Variants in GRID1 observed in about 807,000 individuals in gnomAD.
GRID1 encodes the protein glutamate receptor ionotropic, delta-1.
In GRID1, 28 loss-of-function variants were observed where a neutral mutation model predicts 98.0. The ratio of observed to expected loss-of-function variants is 0.29; its 90% CI spans 0.21 to 0.39. The LOEUF (loss-of-function observed/expected upper bound fraction) is 0.39, where lower values mean the gene tolerates loss of function less well. Among genes scored for constraint, GRID1 ranks in the 10% least tolerant of loss-of-function variants. The probability of loss-of-function intolerance (pLI) is 1.00; values close to 1 mark genes in which losing one functional copy is unlikely to be tolerated. For synonymous variants in GRID1, 553 were observed against 538.5 expected (o/e 1.03, Z -0.37); for missense variants, 1,111 against 1,340.5 (o/e 0.83, Z 2.67).
chr10:85,882,433 C>T (rs1333350843), intron 5 of GRID1, among the ~76,000 whole-genome samples: 1 of 152,174 alleles, frequency 6.6e-6, no homozygotes, highest in Non-Finnish European at 1.5e-5. Context: ...CCATGGAATA[C>T]TATGCAGCCA....
chr10:85,846,959 G>T (rs1843012225), intron 8 of GRID1, among the ~76,000 whole-genome samples: 1 of 152,210 alleles, frequency 6.6e-6, no homozygotes, highest in African/African-American at 2.4e-5. Flanking sequence ...CTCTGCCTAT[G>T]CAAGTACAAA....
At chr10:85,829,613 A>G (rs1842850078) in intron 8 of GRID1, among the ~76,000 whole-genome samples, 2 of 152,310 alleles carry the variant, frequency 1.3e-5, no homozygotes, top group Non-Finnish European at 2.9e-5. Flanking sequence ...TTTAGGATAC[A>G]AAATCAATAC....
At chr10:85,845,178 T>C (rs1008208237) in intron 8 of GRID1, among the ~76,000 whole-genome samples, 20 of 152,046 alleles carry the variant, frequency 1.3e-4, no homozygotes, top group Admixed American at 1.1e-3. Flanking sequence ...CATGATTGTG[T>C]ATACAGAAAA....
chr10:85,679,742 A>G (rs1394349370), intron 12 of GRID1, among the ~76,000 whole-genome samples: 1 of 152,240 alleles, frequency 6.6e-6, no homozygotes, highest in Non-Finnish European at 1.5e-5. Flanking sequence ...GAGAAGAAGC[A>G]ACAAGAAGCT....
intron 4 of GRID1, among the ~76,000 whole-genome samples, chr10:86,134,771 A>G (rs1441219400): frequency 6.6e-6 from 1 of 152,184 alleles, no homozygotes. Context: ...ACCCAGACCC[A>G]GAGTCACCTA....
At chr10:86,061,136 A>G (rs1040847580) in intron 4 of GRID1, among the ~76,000 whole-genome samples, 1 of 151,504 alleles carries the variant, frequency 6.6e-6, no homozygotes, top group African/African-American at 2.4e-5. Context: ...TTCACTTTCC[A>G]CTCACATCTG....
At chr10:86,143,676 C>G (rs972113670) in intron 3 of GRID1, among the ~76,000 whole-genome samples, 2 of 152,202 alleles carry the variant, frequency 1.3e-5, no homozygotes, top group African/African-American at 4.8e-5. Flanking sequence ...CCTTGTCAGG[C>G]CTCGCATCAA....
intron 3 of GRID1, among the ~76,000 whole-genome samples, chr10:86,193,322 G>A (rs756309511): frequency 1.3e-5 from 2 of 152,244 alleles, no homozygotes; most frequent in Non-Finnish European, 2.9e-5. Context: ...TTGTGTGCCT[G>A]GCACAGAGTA....
intron 8 of GRID1, among the ~76,000 whole-genome samples, chr10:85,798,899 T>G (rs1041762053): frequency 6.6e-6 from 1 of 152,174 alleles, no homozygotes; most frequent in Non-Finnish European, 1.5e-5. Flanking sequence ...GTCTTTTTTT[T>G]GAGGTCTTAC....
chr10:85,896,095 A>AT (rs1486362593), intron 5 of GRID1, among the ~76,000 whole-genome samples: 3 of 152,116 alleles, frequency 2.0e-5, no homozygotes, highest in Admixed American at 2.0e-4. Context: ...GCTACTTTAC[A>AT]TTGTCTTCCA....
chr10:86,237,228 GGATACAGGGTCT>G (rs1217519389), intron 2 of GRID1, among the ~76,000 whole-genome samples: 3 of 152,122 alleles, frequency 2.0e-5, no homozygotes, highest in African/African-American at 7.2e-5. Context: ...GAACTTATTT[GGATACAGGGTCT>G]GATATGGTTT....
intron 8 of GRID1, among the ~76,000 whole-genome samples, chr10:85,836,069 T>C (rs1237313984): frequency 1.3e-5 from 2 of 152,018 alleles, no homozygotes; most frequent in African/African-American, 2.4e-5. Flanking sequence ...CACTAAAAGC[T>C]TATATTAGAA....
intron 2 of GRID1, among the ~76,000 whole-genome samples, chr10:86,323,738 C>T (rs532689982): frequency 6.6e-6 from 1 of 152,232 alleles, no homozygotes; most frequent in East Asian, 1.9e-4. Context: ...TGCACAACAT[C>T]GGAATGTACT....
chr10:85,969,212 G>A lies in GRID1; in HGVS notation c.727-52973C>T, dbSNP rs149706981. On this transcript the variant is annotated intron_variant, in intron 4 of 15. Transcript: ENST00000327946. The stretch of plus-strand genomic sequence containing the variant: ...GGAGGCAAAAATTGACAGTATTGAA[G>A]GTGGACATAAATAATTCAATGATAA... Among the ~76,000 whole-genome samples, 1,355 of 152,180 alleles carry A rather than the reference G, an allele frequency of 8.9e-3. 7 individuals carry two copies. The highest frequency in any genetic ancestry group is 0.015 in the Non-Finnish European group (1,018 of 67,958).
At chr10:85,802,594 C>T (rs563995215) in intron 8 of GRID1, among the ~76,000 whole-genome samples, 2 of 151,950 alleles carry the variant, frequency 1.3e-5, no homozygotes, top group East Asian at 3.9e-4. Context: ...AGATTCAGAT[C>T]TTATCTTTAA....
intron 4 of GRID1, among the ~76,000 whole-genome samples, chr10:86,099,244 A>G (rs1158130073): frequency 2.0e-5 from 3 of 152,176 alleles, no homozygotes; most frequent in Non-Finnish European, 4.4e-5. Context: ...TGGGGCAGGT[A>G]AGAGTCAAAT....
chr10:86,229,295 G>T (rs1467128308), intron 2 of GRID1, among the ~76,000 whole-genome samples: 3 of 152,102 alleles, frequency 2.0e-5, no homozygotes, highest in Non-Finnish European at 2.9e-5. Flanking sequence ...TAAGGCACCT[G>T]CTGGGGCCTG....
intron 14 of GRID1, among the ~76,000 whole-genome samples, chr10:85,618,405 C>T (rs891910193): frequency 2.6e-5 from 4 of 152,132 alleles, no homozygotes; most frequent in Admixed American, 6.5e-5. Flanking sequence ...CCAACTGGTG[C>T]GAACCTCAAG....
intron 2 of GRID1, among the ~76,000 whole-genome samples, chr10:86,336,329 G>A (rs10788490): frequency 0.68 from 103,594 of 152,128 alleles, 37,564 homozygotes; most frequent in Non-Finnish European, 0.82. Flanking sequence ...CCAAGCACAC[G>A]CTTAGGAATT....
Sources: gnomAD v4.1 joint callset for allele counts (sites outside exome capture counted in the v4.1 genomes callset) on GRCh38, gnomAD v4.1.1 for gene constraint, MANE v1.5 for transcripts, NCBI Gene and HGNC (gene_info 2026-07-23, HGNC 2026-07-21) for gene names.